The following CELF4 variants were observed in gnomAD, a reference collection of about 807,000 sequenced individuals.
The protein encoded by CELF4 is CUGBP Elav-like family member 4, also known as CUG-BP- and ETR-3-like factor 4.
In CELF4, 18 loss-of-function variants were observed where a neutral mutation model predicts 59.9. That is an observed-to-expected ratio of 0.30 (90% CI 0.21 to 0.45). The LOEUF is 0.45. CELF4 is among the 20% of genes least tolerant of loss of function. CELF4 has a pLI of 1.00. For missense variants in CELF4, 456 were observed against 689.0 expected (o/e 0.66, Z 3.79); for synonymous variants, 261 against 267.1 (o/e 0.98, Z 0.22).
intron 2 of CELF4, among the ~76,000 whole-genome samples, chr18:37,450,658 G>T (rs941155045): frequency 6.6e-6 from 1 of 151,992 alleles, no homozygotes; most frequent in Non-Finnish European, 1.5e-5. Flanking sequence ...TCCCGCTGGG[G>T]CCTCCGGGCA....
At chr18:37,559,117 A>G (rs1182714725) in intron 1 of CELF4, among the ~76,000 whole-genome samples, 1 of 152,152 alleles carries the variant, frequency 6.6e-6, no homozygotes, top group Non-Finnish European at 1.5e-5. Flanking sequence ...TGGATCACTG[A>G]CAAATCCAAG....
intron 2 of CELF4, among the ~76,000 whole-genome samples, chr18:37,373,501 T>C (rs1237004295): frequency 6.6e-6 from 1 of 152,232 alleles, no homozygotes; most frequent in Non-Finnish European, 1.5e-5. Flanking sequence ...AACATGCTAA[T>C]GGCAATGGTG....
At chr18:37,529,923 G>A (rs759211913) in intron 1 of CELF4, among the ~76,000 whole-genome samples, 1 of 152,230 alleles carries the variant, frequency 6.6e-6, no homozygotes, top group Non-Finnish European at 1.5e-5. Flanking sequence ...TGGTCCTGAG[G>A]GGCTACTGTG....
chr18:37,527,563 T>C (rs935283030), intron 1 of CELF4, among the ~76,000 whole-genome samples: 1 of 152,142 alleles, frequency 6.6e-6, no homozygotes, highest in African/African-American at 2.4e-5. Flanking sequence ...CTGATCCTCA[T>C]TGAACCGGAA....
chr18:37,287,016 C>T (rs776562696), intron 3 of CELF4, among the ~76,000 whole-genome samples: 2 of 152,122 alleles, frequency 1.3e-5, no homozygotes, highest in Non-Finnish European at 2.9e-5. Flanking sequence ...TCAGGACAGC[C>T]CTTCAGGGAT....
intron 2 of CELF4, among the ~76,000 whole-genome samples, chr18:37,336,872 T>C (rs2154544156): frequency 6.6e-6 from 1 of 151,290 alleles, no homozygotes; most frequent in Admixed American, 6.6e-5. Flanking sequence ...GGGTGCCCTT[T>C]GAAATGCCAG....
intron 1 of CELF4, among the ~76,000 whole-genome samples, chr18:37,521,648 G>C (rs572112007): frequency 6.6e-6 from 1 of 152,038 alleles, no homozygotes; most frequent in Non-Finnish European, 1.5e-5. Context: ...GATGCACCAC[G>C]GCCCTCTGAA....
At chr18:37,340,601 G>A (rs963402145) in intron 2 of CELF4, among the ~76,000 whole-genome samples, 10 of 152,228 alleles carry the variant, frequency 6.6e-5, no homozygotes, top group Admixed American at 2.0e-4. Flanking sequence ...CCACAGGCCT[G>A]AGGGTGGACC....
chr18:37,545,441 G>C (rs911523440), intron 1 of CELF4, among the ~76,000 whole-genome samples: 1 of 152,180 alleles, frequency 6.6e-6, no homozygotes, highest in Non-Finnish European at 1.5e-5. Flanking sequence ...GCCTCCAGGG[G>C]GCCCAGAGAT....
At chr18:37,441,141 A>AT (rs1452982719) in intron 2 of CELF4, among the ~76,000 whole-genome samples, 5 of 151,984 alleles carry the variant, frequency 3.3e-5, no homozygotes, top group Non-Finnish European at 5.9e-5. Context: ...AAGGCTTGGG[A>AT]TTTGTTTTTA....
chr18:37,477,444 T>C (rs1245162424), intron 2 of CELF4, among the ~76,000 whole-genome samples: 1 of 152,158 alleles, frequency 6.6e-6, no homozygotes, highest in East Asian at 1.9e-4. Flanking sequence ...GGATGGTGTC[T>C]GCCCTGGCTG....
chr18:37,519,117 G>C (rs893068748), intron 1 of CELF4, among the ~76,000 whole-genome samples: 2 of 141,656 alleles, frequency 1.4e-5, no homozygotes, highest in African/African-American at 2.5e-5. Context: ...CAGCCTCCAA[G>C]GGCCTGGCCA....
intron 2 of CELF4, among the ~76,000 whole-genome samples, chr18:37,350,342 C>G (rs550223468): frequency 1.3e-5 from 2 of 152,342 alleles, no homozygotes; most frequent in South Asian, 4.1e-4. Context: ...CCAAGAACTT[C>G]CTGAAAATCC....
chr18:37,492,756 C>A (rs2099910336), intron 1 of CELF4, among the ~76,000 whole-genome samples: 1 of 152,170 alleles, frequency 6.6e-6, no homozygotes, highest in Admixed American at 6.5e-5. Flanking sequence ...ACCTCAGCCA[C>A]TTTGGTCTCA....
chr18:37,563,752 A>T (rs541410845), intron 1 of CELF4, among the ~76,000 whole-genome samples: 2 of 152,138 alleles, frequency 1.3e-5, no homozygotes, highest in Admixed American at 1.3e-4. Flanking sequence ...AACCCAGTAT[A>T]TTTCCATTCT....
At position 37,265,012 on chromosome 18, in the gene CELF4, C is replaced by T. The variant is rs138707205; in HGVS notation, c.1166-255G>A. Reference sequence around the variant, plus strand: ...TACATTACATGCATACATGCATGTACGTGTGGGGATGTGTGTGTACGTGTG... The same window carrying T: ...TACATTACATGCATACATGCATGTATGTGTGGGGATGTGTGTGTACGTGTG... On this transcript the variant is annotated intron_variant, in intron 9 of 12. Transcript: ENST00000420428. 3.4e-4 allele frequency among the ~76,000 whole-genome samples: 48 copies of T among 142,152 alleles called. 1 individual carries two copies. In the South Asian group the frequency reaches 6.4e-3, roughly 19 times the overall value. 93.3% of individuals were successfully genotyped at this position (142,152 alleles called of 152,430 possible).
intron 2 of CELF4, among the ~76,000 whole-genome samples, chr18:37,423,339 A>T (rs1413511395): frequency 2.0e-5 from 3 of 152,134 alleles, no homozygotes; most frequent in African/African-American, 7.2e-5. Flanking sequence ...CTCAGGTCTT[A>T]TGTGGTGCTG....
intron 1 of CELF4, among the ~76,000 whole-genome samples, chr18:37,531,619 A>T (rs2099969671): frequency 6.6e-6 from 1 of 152,192 alleles, no homozygotes; most frequent in Non-Finnish European, 1.5e-5. Context: ...CCTTTAAGAA[A>T]GTAAAGGACT....
At chr18:37,273,543 T>C in intron 6 of CELF4, 1 of 1,004,258 alleles carries the variant, frequency 1.0e-6, no homozygotes, top group Non-Finnish European at 1.2e-6. Context: ...TTAGCACAGG[T>C]TTCTGTCCAG....
Sources: allele counts gnomAD v4.1 joint callset (sites outside exome capture counted in the v4.1 genomes callset), GRCh38; gene constraint gnomAD v4.1.1; transcripts MANE v1.5; gene names NCBI Gene and HGNC (gene_info 2026-07-23, HGNC 2026-07-21).